The following SHISA9 variants were observed in gnomAD, a reference collection of about 807,000 sequenced individuals.
The protein encoded by SHISA9 is shisa family member 9, also known as protein shisa-9.
A neutral mutation model predicts 38.0 loss-of-function variants in SHISA9; 13 were observed. The ratio of observed to expected loss-of-function variants is 0.34; its 90% CI spans 0.22 to 0.54. SHISA9 has a LOEUF of 0.54. Among genes scored for constraint, SHISA9 ranks in the 20% least tolerant of loss-of-function variants. The probability of loss-of-function intolerance (pLI) is 0.91; values close to 1 mark genes in which losing one functional copy is unlikely to be tolerated. For missense variants in SHISA9, 538 were observed against 575.8 expected, an observed-to-expected ratio of 0.93 and a Z score of 0.67; for synonymous variants, 275 against 242.0, an observed-to-expected ratio of 1.14 and a Z score of -1.27.
chr16:13,154,516 TA>T (rs2054801685), intron 2 of SHISA9, among the ~76,000 whole-genome samples: 1 of 152,216 alleles, frequency 6.6e-6, no homozygotes, highest in Admixed American at 6.5e-5. Flanking sequence ...GTTGCTCTGT[TA>T]ACTGGCTCTT....
intron 2 of SHISA9, among the ~76,000 whole-genome samples, chr16:13,097,372 G>T (rs1208825792): frequency 6.6e-6 from 1 of 151,892 alleles, no homozygotes; most frequent in African/African-American, 2.4e-5. Context: ...TATGGGATGA[G>T]CCATCACGCG....
intron 2 of SHISA9, among the ~76,000 whole-genome samples, chr16:13,185,596 ATCTC>A (rs1460594200): frequency 6.6e-6 from 1 of 152,206 alleles, no homozygotes; most frequent in African/African-American, 2.4e-5. Flanking sequence ...GTTGCCTCTA[ATCTC>A]TCTTTGTACC....
At chr16:13,170,449 C>T (rs1596699124) in intron 2 of SHISA9, among the ~76,000 whole-genome samples, 2 of 152,182 alleles carry the variant, frequency 1.3e-5, no homozygotes, top group South Asian at 4.1e-4. Flanking sequence ...GTGATGACAA[C>T]ACATGGATGC....
At chr16:13,021,685 T>C (rs1241250237) in intron 2 of SHISA9, among the ~76,000 whole-genome samples, 1 of 152,228 alleles carries the variant, frequency 6.6e-6, no homozygotes, top group Non-Finnish European at 1.5e-5. Flanking sequence ...TAACTTTATT[T>C]CCTCTTGGAA....
intron 2 of SHISA9, among the ~76,000 whole-genome samples, chr16:13,102,284 C>G (rs1358578161): frequency 1.3e-5 from 2 of 152,174 alleles, no homozygotes; most frequent in East Asian, 1.9e-4. Flanking sequence ...GCACTGTGCA[C>G]CAGCTCAACA....
chr16:13,188,800 G>A (rs1191872324), intron 2 of SHISA9, among the ~76,000 whole-genome samples: 18 of 150,972 alleles, frequency 1.2e-4, no homozygotes, highest in African/African-American at 3.9e-4. Context: ...GGAAGAAAAG[G>A]AAAAGGAATG....
the SHISA9 span, among the ~76,000 whole-genome samples, chr16:13,272,737 C>T: frequency 6.6e-6 from 1 of 152,174 alleles, no homozygotes; most frequent in East Asian, 1.9e-4. Flanking sequence ...AATGCCTTGG[C>T]AGTTGGAAGA....
chr16:13,449,790 G>A, the SHISA9 span, among the ~76,000 whole-genome samples: 1 of 151,944 alleles, frequency 6.6e-6, no homozygotes, highest in Non-Finnish European at 1.5e-5. Context: ...ACATCTTCTG[G>A]GGAGAACCTC....
chr16:13,173,468 G>GC (rs11384629), intron 2 of SHISA9, among the ~76,000 whole-genome samples: 112,048 of 151,852 alleles, frequency 0.74, 42,344 homozygotes, highest in African/African-American at 0.92. Context: ...GACCTGTGCT[G>GC]ATAATAGGAG....
At chr16:13,181,415 A>G (rs2050778606) in intron 2 of SHISA9, among the ~76,000 whole-genome samples, 1 of 151,216 alleles carries the variant, frequency 6.6e-6, no homozygotes, top group South Asian at 2.1e-4. Flanking sequence ...AATGTGTATG[A>G]AGGCTGTGAG....
chr16:13,385,749 A>T, the SHISA9 span, among the ~76,000 whole-genome samples: 16 of 147,792 alleles, frequency 1.1e-4, no homozygotes, highest in Non-Finnish European at 4.5e-5. Context: ...TATCCATACC[A>T]TGAAATAGTA....
At chr16:13,272,703 A>G in the SHISA9 span, among the ~76,000 whole-genome samples, 1 of 152,202 alleles carries the variant, frequency 6.6e-6, no homozygotes, top group Non-Finnish European at 1.5e-5. Flanking sequence ...GTGAGGATTG[A>G]GTGAAATATA....
chr16:13,088,406 A>C (rs1286452235), intron 2 of SHISA9, among the ~76,000 whole-genome samples: 1 of 152,116 alleles, frequency 6.6e-6, no homozygotes, highest in Non-Finnish European at 1.5e-5. Context: ...ACCTTGGGCA[A>C]TATGGCCATT....
chr16:13,333,864 A>G, the SHISA9 span, among the ~76,000 whole-genome samples: 3 of 152,194 alleles, frequency 2.0e-5, no homozygotes, highest in African/African-American at 7.2e-5. Context: ...CTTTCTCATT[A>G]AAACTTCATA....
At chr16:13,511,528 A>G in the SHISA9 span, among the ~76,000 whole-genome samples, 2 of 152,214 alleles carry the variant, frequency 1.3e-5, no homozygotes, top group South Asian at 4.1e-4. Context: ...ATGGGGTACA[A>G]TAAAGGTAAC....
chr16:13,080,239 G>A (rs566390334), intron 2 of SHISA9, among the ~76,000 whole-genome samples: 44 of 152,208 alleles, frequency 2.9e-4, no homozygotes, highest in Admixed American at 1.4e-3. Context: ...TGGGCGTGGT[G>A]GTGGGCGCCT....
intron 2 of SHISA9, among the ~76,000 whole-genome samples, chr16:12,965,661 G>C (rs2071968029): frequency 6.6e-6 from 1 of 152,158 alleles, no homozygotes; most frequent in Non-Finnish European, 1.5e-5. Flanking sequence ...GCAGGGTCTG[G>C]GGTTTACTCC....
At chr16:13,128,170 A>G (rs1251834716) in intron 2 of SHISA9, among the ~76,000 whole-genome samples, 1 of 152,120 alleles carries the variant, frequency 6.6e-6, no homozygotes, top group South Asian at 2.1e-4. Flanking sequence ...CTTCCTGCTG[A>G]TTTTCTGAGC....
chr16:13,194,227 T>C (rs911734494), intron 2 of SHISA9, among the ~76,000 whole-genome samples: 1 of 151,618 alleles, frequency 6.6e-6, no homozygotes, highest in Non-Finnish European at 1.5e-5. Flanking sequence ...AAAAAAAAAT[T>C]AGAACAAAAC....
Sources: allele counts gnomAD v4.1 joint callset (sites outside exome capture counted in the v4.1 genomes callset), GRCh38; gene constraint gnomAD v4.1.1; transcripts MANE v1.5; gene names NCBI Gene and HGNC (gene_info 2026-07-23, HGNC 2026-07-21).